Variants in DIS3L2 observed in about 807,000 individuals in gnomAD.
The protein encoded by DIS3L2 is DIS3-like exonuclease 2.
A neutral mutation model predicts 97.5 loss-of-function variants in DIS3L2; 34 were observed. That is an observed-to-expected ratio of 0.35 (90% CI 0.27 to 0.46). The LOEUF (loss-of-function observed/expected upper bound fraction) is 0.46. Among genes scored for constraint, DIS3L2 ranks in the 20% least tolerant of loss-of-function variants. The pLI is 1.00. For missense variants in DIS3L2, 1,038 were observed against 1,146.0 expected, an observed-to-expected ratio of 0.91 and a Z score of 1.36; for synonymous variants, 435 against 445.2, an observed-to-expected ratio of 0.98 and a Z score of 0.29.
intron 12 of DIS3L2, chr2:232,260,719 C>T (rs1693692388): frequency 6.6e-6 from 1 of 152,194 alleles, no homozygotes; most frequent in African/African-American, 2.4e-5. Flanking sequence ...TCCTCTACCC[C>T]ATGGCTGCCA....
At chr2:231,996,084 CA>C (rs1358859528) in intron 1 of DIS3L2, among the ~76,000 whole-genome samples, 1 of 152,224 alleles carries the variant, frequency 6.6e-6, no homozygotes, top group Non-Finnish European at 1.5e-5. Context: ...TCAACTGTGT[CA>C]AGTGCTACAG....
intron 8 of DIS3L2, among the ~76,000 whole-genome samples, chr2:232,139,474 G>T (rs749390381): frequency 6.6e-6 from 1 of 152,026 alleles, no homozygotes; most frequent in African/African-American, 2.4e-5. Flanking sequence ...GTTTTCCCTC[G>T]TCAGTAGTTT....
chr2:231,965,850 TC>T (rs1486068431), intron 1 of DIS3L2, among the ~76,000 whole-genome samples: 1 of 152,198 alleles, frequency 6.6e-6, no homozygotes, highest in Non-Finnish European at 1.5e-5. Flanking sequence ...TGATGCCACG[TC>T]CATGTTGCCC....
Position 232,037,863 on chromosome 2 carries a change from A to G in DIS3L2, c.366+7783A>G, listed in dbSNP as rs1048922863. On this transcript the variant is annotated intron_variant, in intron 5 of 20. Coordinates refer to ENST00000325385, the MANE Select transcript of DIS3L2 (RefSeq NM_152383.5). The surrounding 1 kb of genome is among the most constrained non-coding windows in gnomAD (Gnocchi z 4.6). ...CTTTGGCTTGCCCTCCGTGGGCTGC[A>G]CCCACTGGCTAACCAGTCCCAGTGA... Among the ~76,000 whole-genome samples, 5 of 152,144 alleles carry G rather than the reference A, an allele frequency of 3.3e-5. No individual in the cohort carries two copies. Among genetic ancestry groups the G allele is most frequent in the African/African-American group, 4.8e-5 (2 of 41,434 alleles).
chr2:232,323,539 C>G (rs1478685051), intron 14 of DIS3L2, among the ~76,000 whole-genome samples: 1 of 152,172 alleles, frequency 6.6e-6, no homozygotes, highest in Non-Finnish European at 1.5e-5. Flanking sequence ...ATGGACTGAG[C>G]CTCCCAGCCT....
At chr2:232,090,098 T>TTTG (rs1005054298) in intron 6 of DIS3L2, among the ~76,000 whole-genome samples, 5 of 151,858 alleles carry the variant, frequency 3.3e-5, no homozygotes, top group East Asian at 1.9e-4. Context: ...CCAGATAATT[T>TTTG]TTGTTGTTGT....
At chr2:231,974,567 T>C (rs980306402) in intron 1 of DIS3L2, among the ~76,000 whole-genome samples, 1 of 150,928 alleles carries the variant, frequency 6.6e-6, no homozygotes, top group Admixed American at 6.6e-5. Flanking sequence ...ATATCCCAGG[T>C]CTCTTAACAT....
At chr2:232,161,616 G>A (rs939163809) in intron 8 of DIS3L2, among the ~76,000 whole-genome samples, 4 of 152,088 alleles carry the variant, frequency 2.6e-5, no homozygotes, top group Non-Finnish European at 1.5e-5. Flanking sequence ...AATTACAGGT[G>A]TGTACCACCA....
At chr2:232,224,633 G>C (rs527355011) in intron 10 of DIS3L2, among the ~76,000 whole-genome samples, 1 of 152,012 alleles carries the variant, frequency 6.6e-6, no homozygotes, top group Non-Finnish European at 1.5e-5. Context: ...GAGGTTAGGA[G>C]TTCGACACCA....
chr2:232,097,044 A>G (rs1339779583), intron 6 of DIS3L2, among the ~76,000 whole-genome samples: 1 of 152,086 alleles, frequency 6.6e-6, no homozygotes, highest in Non-Finnish European at 1.5e-5. Flanking sequence ...GTCTAGGCCT[A>G]TTGCATCTGT....
chr2:232,172,425 T>A (rs918322633), intron 9 of DIS3L2, among the ~76,000 whole-genome samples: 2 of 152,216 alleles, frequency 1.3e-5, no homozygotes, highest in Non-Finnish European at 2.9e-5. Flanking sequence ...GTGGTTTACT[T>A]GACATAATGT....
At chr2:232,228,250 GCCACCACA>G (rs1692699321) in intron 10 of DIS3L2, among the ~76,000 whole-genome samples, 1 of 152,208 alleles carries the variant, frequency 6.6e-6, no homozygotes. Flanking sequence ...ATAGGCGTGA[GCCACCACA>G]CCCGGCTGGG....
intron 5 of DIS3L2, among the ~76,000 whole-genome samples, chr2:232,043,207 C>G (rs1001638938): frequency 1.3e-5 from 2 of 152,074 alleles, no homozygotes; most frequent in African/African-American, 4.8e-5. Flanking sequence ...TATCTTTACT[C>G]CAAAGCTCAG....
chr2:232,070,919 G>A (rs1041464948), intron 5 of DIS3L2, among the ~76,000 whole-genome samples: 1 of 152,082 alleles, frequency 6.6e-6, no homozygotes, highest in Non-Finnish European at 1.5e-5. Flanking sequence ...TGGCCATGCA[G>A]GAGAGGAGAG....
intron 10 of DIS3L2, among the ~76,000 whole-genome samples, chr2:232,230,896 C>A (rs1017464036): frequency 6.6e-6 from 1 of 152,250 alleles, no homozygotes; most frequent in South Asian, 2.1e-4. Flanking sequence ...TGTCCCTAGA[C>A]ACAGCAAGCT....
intron 5 of DIS3L2, among the ~76,000 whole-genome samples, chr2:232,064,100 A>G (rs1383161791): frequency 1.3e-5 from 2 of 152,124 alleles, no homozygotes; most frequent in Non-Finnish European, 2.9e-5. Flanking sequence ...TAATTTACAT[A>G]TAGTAAAAAA....
intron 1 of DIS3L2, among the ~76,000 whole-genome samples, chr2:231,970,143 T>C (rs1004468174): frequency 6.6e-6 from 1 of 152,092 alleles, no homozygotes; most frequent in Non-Finnish European, 1.5e-5. Flanking sequence ...AGATGAGGTC[T>C]TGTTATGTGG....
intron 11 of DIS3L2, 114 bp from the exon 12 acceptor site, chr2:232,249,125 C>T (rs1574971348): frequency 1.1e-6 from 1 of 943,246 alleles, no homozygotes; most frequent in Non-Finnish European, 1.6e-6. Flanking sequence ...ACAGAGCCAC[C>T]TCCATCTTCA....
At chr2:232,058,632 A>G (rs1406717879) in intron 5 of DIS3L2, among the ~76,000 whole-genome samples, 1 of 152,174 alleles carries the variant, frequency 6.6e-6, no homozygotes, top group Admixed American at 6.5e-5. Flanking sequence ...CTGCGCTTCC[A>G]AATTTTCCCA....
Sources: allele counts gnomAD v4.1 joint callset (sites outside exome capture counted in the v4.1 genomes callset), GRCh38; gene constraint gnomAD v4.1.1; non-coding constraint Gnocchi (gnomAD v3.1); transcripts MANE v1.5; gene names NCBI Gene and HGNC (gene_info 2026-07-23, HGNC 2026-07-21).